The following LGALS3 variants were observed in gnomAD, a reference collection of about 807,000 sequenced individuals.
The protein encoded by LGALS3 is galectin-3.
LGALS3 carries 18 observed loss-of-function variants against 20.7 expected under a neutral mutation model. That is an observed-to-expected ratio of 0.87 (90% confidence interval 0.60 to 1.29). LGALS3 has a LOEUF of 1.29. LGALS3 is among the 50% of genes most tolerant of loss of function. The pLI, the probability that LGALS3 is intolerant of heterozygous loss-of-function variation, is 0.00. For missense variants in LGALS3, 315 were observed against 314.7 expected (o/e 1.00, Z -0.01); for synonymous variants, 112 against 119.6 (o/e 0.94, Z 0.42).
rs1166375596 is a variant in LGALS3, at chr14:55,138,256, G to GGA, written c.230_231insGA (p.Val78LysfsTer38). 1 of 1,613,108 alleles carries GGA rather than the reference G, an allele frequency of 6.2e-7. No individual in the cohort carries two copies. Among genetic ancestry groups the GGA allele is most frequent in the Non-Finnish European group, 8.5e-7 (1 of 1,179,920 alleles). ...GCTTATCCCGGAGCACCTGCACCTG[G>GGA]AGTCTACCCAGGGCCACCCAGCGGC... On this transcript the variant is annotated frameshift_variant, in exon 3 of 6. Transcript: ENST00000254301. LOFTEE classifies it high-confidence loss of function.
At chr14:55,141,424 G>T (rs1217389798) in intron 4 of LGALS3, among the ~76,000 whole-genome samples, 1 of 152,158 alleles carries the variant, frequency 6.6e-6, no homozygotes, top group Admixed American at 6.5e-5. Context: ...CAGCACTCAT[G>T]ATTTATTAAA....
At chr14:55,132,760 G>A (rs1300046071) in intron 1 of LGALS3, among the ~76,000 whole-genome samples, 1 of 151,942 alleles carries the variant, frequency 6.6e-6, no homozygotes, top group Non-Finnish European at 1.5e-5. Context: ...GTAGAGATGG[G>A]GTTTCACTGT....
intron 5 of LGALS3, among the ~76,000 whole-genome samples, chr14:55,143,033 CAA>C (rs1881682547): frequency 6.6e-6 from 1 of 152,132 alleles, no homozygotes; most frequent in African/African-American, 2.4e-5. Flanking sequence ...ACAAAAAAGG[CAA>C]AAAGTCTTTA....
intron 1 of LGALS3, among the ~76,000 whole-genome samples, chr14:55,133,687 C>T (rs57970196): frequency 0.36 from 54,355 of 152,030 alleles, 10,287 homozygotes; most frequent in Non-Finnish European, 0.41. Context: ...TCTATACTGC[C>T]CTCCGAGGTG....
At chr14:55,140,225 C>A in intron 3 of LGALS3, 50 bp from the exon 4 acceptor site, 1 of 1,239,616 alleles carries the variant, frequency 8.1e-7, no homozygotes, top group Non-Finnish European at 1.2e-6. Flanking sequence ...CGTTTTTTCC[C>A]CAAAGAAACA....
chr14:55,138,254 T>TGG lies in LGALS3; in HGVS notation c.229_230dup (p.Val78GlufsTer38). 1 of 1,612,604 alleles carries TGG rather than the reference T, an allele frequency of 6.2e-7. No individual in the cohort carries two copies. The highest frequency in any genetic ancestry group is 8.5e-7 in the Non-Finnish European group (1 of 1,179,494). ...GAGCTTATCCCGGAGCACCTGCACC[T>TGG]GGAGTCTACCCAGGGCCACCCAGCG... On this transcript the variant is annotated frameshift_variant, in exon 3 of 6. Coordinates refer to ENST00000254301, the MANE Select transcript of LGALS3 (RefSeq NM_002306.4). LOFTEE classifies it high-confidence loss of function.
chr14:55,138,634 CACTT>C (rs1261812233), intron 3 of LGALS3, among the ~76,000 whole-genome samples: 7 of 152,138 alleles, frequency 4.6e-5, no homozygotes, highest in African/African-American at 1.7e-4. Context: ...TTATTATTAA[CACTT>C]ACGGAGTACA....
rs1316485160 is a variant in LGALS3 at position 55,130,121 on chromosome 14, G to T, written c.-5+821G>T. The stretch of plus-strand genomic sequence containing the variant: ...ACTGTCTGTGCCCAGGAAATGGTGG[G>T]TGTGGCAAAATGTTGGTCCTAGCGT... On this transcript the variant is annotated intron_variant, in intron 1 of 5. Coordinates refer to ENST00000254301, the MANE Select transcript of LGALS3 (RefSeq NM_002306.4). Among the ~76,000 whole-genome samples, 3 of 152,234 alleles carry T rather than the reference G, an allele frequency of 2.0e-5. No homozygotes were observed. In the South Asian group the frequency reaches 6.2e-4, roughly 32 times the overall value.
chr14:55,143,951 T>TCCTAGAAGCAAG (rs1388530685), intron 5 of LGALS3, among the ~76,000 whole-genome samples: 53 of 151,412 alleles, frequency 3.5e-4, no homozygotes, highest in African/African-American at 9.0e-4. Context: ...AATCTTTGCT[T>TCCTAGAAGCAAG]TAAATATACA....
intron 5 of LGALS3, among the ~76,000 whole-genome samples, chr14:55,144,274 C>T (rs1881735879): frequency 1.3e-5 from 2 of 152,218 alleles, no homozygotes; most frequent in East Asian, 1.9e-4. Context: ...TCCTTAGTAG[C>T]GGAGACCACA....
At chr14:55,141,705 G>C (rs948622186) in intron 4 of LGALS3, among the ~76,000 whole-genome samples, 1 of 152,196 alleles carries the variant, frequency 6.6e-6, no homozygotes, top group East Asian at 1.9e-4. Context: ...TGTATATTTA[G>C]TCAAATACAA....
chr14:55,138,665 C>T lies in LGALS3; in HGVS notation c.342+297C>T, dbSNP rs183027644. 9.2e-5 allele frequency among the ~76,000 whole-genome samples: 14 copies of T among 152,274 alleles called. No homozygotes were observed. The East Asian group carries it at 2.5e-3, about 27-fold the overall frequency. The stretch of plus-strand genomic sequence containing the variant: ...CGGAGTACATGTCAATAGTATGCAT[C>T]TACATGGATAATCTCATTTAACCCC... On this transcript the variant is annotated intron_variant, in intron 3 of 5. Coordinates refer to ENST00000254301, the MANE Select transcript of LGALS3 (RefSeq NM_002306.4).
intron 1 of LGALS3, among the ~76,000 whole-genome samples, chr14:55,132,623 A>C (rs539982135): frequency 6.6e-6 from 1 of 152,200 alleles, no homozygotes; most frequent in Non-Finnish European, 1.5e-5. Flanking sequence ...GCTGGAGTGC[A>C]GTGGTGCCAT....
At chr14:55,134,555 A>T (rs1286080894) in intron 1 of LGALS3, among the ~76,000 whole-genome samples, 4 of 152,212 alleles carry the variant, frequency 2.6e-5, no homozygotes, top group African/African-American at 9.7e-5. Context: ...TTTCTGAATT[A>T]AAAATTTTCA....
intron 1 of LGALS3, among the ~76,000 whole-genome samples, chr14:55,134,557 A>G (rs556255843): frequency 2.9e-4 from 44 of 152,296 alleles, no homozygotes; most frequent in Non-Finnish European, 1.5e-4. Flanking sequence ...TCTGAATTAA[A>G]AATTTTCATT....
At chr14:55,140,235 A>G in intron 3 of LGALS3, 40 bp from the exon 4 acceptor site, 1 of 1,321,862 alleles carries the variant, frequency 7.6e-7, no homozygotes, top group Non-Finnish European at 1.1e-6. Context: ...CCAAAGAAAC[A>G]TGACTCCTTA....
At chr14:55,135,412 T>A (rs1243304182) in intron 1 of LGALS3, among the ~76,000 whole-genome samples, 3 of 151,942 alleles carry the variant, frequency 2.0e-5, no homozygotes, top group Non-Finnish European at 4.4e-5. Flanking sequence ...TAAAAAAAAA[T>A]GTAAATCAGA....
chr14:55,131,471 T>C (rs1270479629), intron 1 of LGALS3, among the ~76,000 whole-genome samples: 1 of 152,242 alleles, frequency 6.6e-6, no homozygotes, highest in Non-Finnish European at 1.5e-5. Flanking sequence ...TCATGTAGTA[T>C]GCCTTCAGAA....
At position 55,140,312 on chromosome 14, in the gene LGALS3, T is replaced by G. The variant is rs1391321157; in HGVS notation, c.380T>G (p.Val127Gly). ...PYNLPLPGGV[V>G]PRMLITILGT... ...AACCTGCCTTTGCCTGGGGGAGTGG[T>G]GCCTCGCATGCTGATAACAATTCTG... The change falls in exon 4 of 6, where the codon GTG (valine) becomes GGG (glycine). Residue 127 changes from valine to glycine, a missense_variant. Physicochemically the swap from Val to Gly is moderately radical, Grantham distance 109. Transcript: ENST00000254301. 2 of 1,613,836 alleles carry G rather than the reference T, an allele frequency of 1.2e-6. No individual in the cohort carries two copies. Among genetic ancestry groups the G allele is most frequent in the Admixed American group, 1.7e-5 (1 of 59,992 alleles).
Sources: gnomAD v4.1 joint callset for allele counts (sites outside exome capture counted in the v4.1 genomes callset) on GRCh38, gnomAD v4.1.1 for gene constraint, MANE v1.5 for transcripts, NCBI Gene and HGNC (gene_info 2026-07-23, HGNC 2026-07-21) for gene names.